Variants in PPM1H observed in about 807,000 individuals in gnomAD.
PPM1H encodes protein phosphatase 1H.
Under a neutral mutation model 54.9 loss-of-function variants are expected in PPM1H, and 27 were observed. The ratio of observed to expected loss-of-function variants is 0.49; its 90% CI spans 0.36 to 0.68. The LOEUF (loss-of-function observed/expected upper bound fraction) is 0.68. Among genes scored for constraint, PPM1H ranks in the 30% least tolerant of loss-of-function variants. PPM1H has a pLI of 0.00. For synonymous variants in PPM1H, 305 were observed against 270.8 expected (o/e 1.13, Z -1.24); for missense variants, 596 against 667.8 (o/e 0.89, Z 1.19).
At chr12:62,717,423 T>C (rs1272995844) in intron 6 of PPM1H, among the ~76,000 whole-genome samples, 1 of 151,952 alleles carries the variant, frequency 6.6e-6, no homozygotes, top group Non-Finnish European at 1.5e-5. Flanking sequence ...ATTTGTGGAC[T>C]GTTTATCTGC....
chr12:62,653,369 C>T (rs1190542652), intron 9 of PPM1H, among the ~76,000 whole-genome samples: 4 of 152,146 alleles, frequency 2.6e-5, no homozygotes, highest in East Asian at 1.9e-4. Flanking sequence ...AACTTCTCTG[C>T]GATATCTTTC....
chr12:62,754,296 G>A (rs1287185606), intron 4 of PPM1H, among the ~76,000 whole-genome samples: 2 of 152,142 alleles, frequency 1.3e-5, no homozygotes, highest in African/African-American at 4.8e-5. Flanking sequence ...TCTAGAGTAG[G>A]CTGAGGACAG....
chr12:62,843,011 A>G (rs988199268), intron 1 of PPM1H, among the ~76,000 whole-genome samples: 1 of 152,214 alleles, frequency 6.6e-6, no homozygotes, highest in Admixed American at 6.5e-5. Context: ...TTGTAAAAAA[A>G]GAAATGTTAA....
rs181053404 is a variant in PPM1H, at chr12:62,878,719, C to T, written c.246-46440G>A. 4.4e-3 allele frequency among the ~76,000 whole-genome samples: 656 copies of T among 148,772 alleles called. 12 individuals carry two copies. Among genetic ancestry groups the T allele is most frequent in the African/African-American group, 0.016 (628 of 40,328 alleles). On this transcript the variant is annotated intron_variant, in intron 1 of 9. Coordinates refer to ENST00000228705, the MANE Select transcript of PPM1H (RefSeq NM_020700.2). Reference sequence around the variant, plus strand: ...CTCTGGGAGGCCGAGGCAGGTGGATCACTTGAGGTCAGGAGTTCGAGACCA... The same window carrying T: ...CTCTGGGAGGCCGAGGCAGGTGGATTACTTGAGGTCAGGAGTTCGAGACCA...
chr12:62,878,908 C>G (rs1870284240), intron 1 of PPM1H, among the ~76,000 whole-genome samples: 1 of 152,134 alleles, frequency 6.6e-6, no homozygotes, highest in African/African-American at 2.4e-5. Context: ...CCACTGCACT[C>G]CAGCCTGGGT....
chr12:62,784,512 C>G (rs1033782272), intron 4 of PPM1H, among the ~76,000 whole-genome samples: 4 of 152,030 alleles, frequency 2.6e-5, no homozygotes, highest in Non-Finnish European at 2.9e-5. Context: ...TTTTTACTCT[C>G]GAAACTGTCA....
At chr12:62,740,009 C>G (rs2076372721) in intron 4 of PPM1H, among the ~76,000 whole-genome samples, 2 of 152,164 alleles carry the variant, frequency 1.3e-5, no homozygotes, top group Non-Finnish European at 2.9e-5. Flanking sequence ...TTTCTGACCT[C>G]TCTTTCCACT....
chr12:62,734,221 A>G (rs1349017982), intron 5 of PPM1H, among the ~76,000 whole-genome samples: 12 of 151,642 alleles, frequency 7.9e-5, no homozygotes, highest in Admixed American at 7.9e-4. Context: ...TGACTCTACC[A>G]GCACCTTGAT....
intron 6 of PPM1H, among the ~76,000 whole-genome samples, chr12:62,700,934 T>C (rs1565761254): frequency 1.3e-5 from 2 of 152,210 alleles, no homozygotes; most frequent in African/African-American, 2.4e-5. Flanking sequence ...TTTTTTTCCA[T>C]AGCATCCACC....
chr12:62,813,506 A>G (rs573060433), intron 2 of PPM1H, among the ~76,000 whole-genome samples: 1 of 152,344 alleles, frequency 6.6e-6, no homozygotes, highest in Non-Finnish European at 1.5e-5. Context: ...AACCCATTGC[A>G]GGGGACCTGT....
rs924081878 is a variant in PPM1H at position 62,825,035 on chromosome 12, A to C, written c.411+7079T>G. ...GGGCTAATATCCAGAATCTACAAAG[A>C]AACAAATTTACAAGGAAAAAAAAAA... On this transcript the variant is annotated intron_variant, in intron 2 of 9. Transcript: ENST00000228705. 4.6e-5 allele frequency among the ~76,000 whole-genome samples: 7 copies of C among 152,104 alleles called. 1 individual carries two copies. The South Asian group carries it at 1.5e-3, about 32-fold the overall frequency.
intron 1 of PPM1H, among the ~76,000 whole-genome samples, chr12:62,865,017 T>C (rs1294899689): frequency 6.6e-6 from 1 of 152,288 alleles, no homozygotes; most frequent in East Asian, 1.9e-4. Flanking sequence ...TGTCCACTCC[T>C]CATTAGGGCC....
In PPM1H at chr12:62,745,077, GT is replaced by G. The variant is rs1421412245; in HGVS notation, c.870-7492del. Among the ~76,000 whole-genome samples the G allele has an allele frequency of 3.9e-5, 6 of 152,204 alleles. No homozygotes were observed. The East Asian group carries it at 5.8e-4, about 15-fold the overall frequency. On this transcript the variant is annotated intron_variant, in intron 4 of 9. Transcript: ENST00000228705. ...AAGAAAGGTTTGGTTGTTACTTTCT[GT>G]TTGGTTCATTGTCCTAACTGACCAC... is the stretch of plus-strand genomic sequence containing the variant.
At chr12:62,743,154 A>C (rs996362958) in intron 4 of PPM1H, among the ~76,000 whole-genome samples, 32 of 152,048 alleles carry the variant, frequency 2.1e-4, no homozygotes, top group Non-Finnish European at 3.2e-4. Flanking sequence ...AGTTTGAGAC[A>C]AGCCTGGCCA....
intron 4 of PPM1H, among the ~76,000 whole-genome samples, chr12:62,774,143 C>G (rs1222319970): frequency 1.3e-5 from 2 of 152,172 alleles, no homozygotes; most frequent in African/African-American, 2.4e-5. Context: ...GGAAAACACC[C>G]TTGAAATCAA....
intron 1 of PPM1H, among the ~76,000 whole-genome samples, chr12:62,884,793 T>C (rs1870527934): frequency 6.6e-6 from 1 of 152,166 alleles, no homozygotes; most frequent in Non-Finnish European, 1.5e-5. Flanking sequence ...ATGGTAGAGT[T>C]GAATCTCACA....
chr12:62,713,908 C>T (rs1249497636), intron 6 of PPM1H, among the ~76,000 whole-genome samples: 1 of 152,000 alleles, frequency 6.6e-6, no homozygotes, highest in African/African-American at 2.4e-5. Flanking sequence ...GTTGAGGCTG[C>T]AGTGAGCCAT....
intron 9 of PPM1H, among the ~76,000 whole-genome samples, chr12:62,651,644 G>C (rs964644): frequency 0.64 from 97,772 of 151,920 alleles, 31,718 homozygotes; most frequent in Middle Eastern, 0.77. Flanking sequence ...TTTGAGATTG[G>C]TTCTCTCTTC....
At chr12:62,781,988 A>G (rs533712555) in intron 4 of PPM1H, among the ~76,000 whole-genome samples, 1 of 152,372 alleles carries the variant, frequency 6.6e-6, no homozygotes. Context: ...CAGCAATTCA[A>G]CTTTCACAGT....
Sources: gnomAD v4.1 joint callset for allele counts (sites outside exome capture counted in the v4.1 genomes callset) on GRCh38, gnomAD v4.1.1 for gene constraint, MANE v1.5 for transcripts, NCBI Gene and HGNC (gene_info 2026-07-23, HGNC 2026-07-21) for gene names.